Variants in MTUS2 observed in about 807,000 individuals in gnomAD.
MTUS2 encodes the protein microtubule-associated tumor suppressor candidate 2.
A neutral mutation model predicts 114.1 loss-of-function variants in MTUS2; 40 were observed. The ratio of observed to expected loss-of-function variants is 0.35; its 90% CI spans 0.27 to 0.46. MTUS2 has a LOEUF of 0.46. Among genes scored for constraint, MTUS2 ranks in the 20% least tolerant of loss-of-function variants. The pLI is 1.00. For synonymous variants in MTUS2, 688 were observed against 672.0 expected (o/e 1.02, Z -0.37); for missense variants, 1,679 against 1,705.4 (o/e 0.98, Z 0.27).
chr13:29,158,358 C>CCCCCCCCTCTTTTT, intron 5 of MTUS2, among the ~76,000 whole-genome samples: 2 of 32,048 alleles, frequency 6.2e-5, no homozygotes, highest in Non-Finnish European at 1.0e-4. Context: ...GTCCACCCCG[C>CCCCCCCCTCTTTTT]TTTTTTTTTT....
intron 2 of MTUS2, among the ~76,000 whole-genome samples, chr13:28,961,056 T>C (rs1883303904): frequency 6.6e-6 from 1 of 152,066 alleles, no homozygotes; most frequent in African/African-American, 2.4e-5. Context: ...ATCAGTGAGT[T>C]GGAACATAGG....
intron 5 of MTUS2, among the ~76,000 whole-genome samples, chr13:29,256,365 G>C (rs1031305288): frequency 2.6e-5 from 4 of 152,184 alleles, no homozygotes; most frequent in Non-Finnish European, 5.9e-5. Context: ...CAGTGGTCAG[G>C]ACTGAGACAC....
At chr13:29,391,077 C>A (rs1873421434) in intron 8 of MTUS2, among the ~76,000 whole-genome samples, 1 of 150,654 alleles carries the variant, frequency 6.6e-6, no homozygotes, top group Admixed American at 6.6e-5. Flanking sequence ...GTGTGCCCAT[C>A]CCAGATTATT....
chr13:29,118,328 C>T (rs1047548178), intron 5 of MTUS2, among the ~76,000 whole-genome samples: 2 of 151,928 alleles, frequency 1.3e-5, no homozygotes, highest in African/African-American at 4.8e-5. Context: ...ATTCTTATTA[C>T]TCTTCCAGGG....
At chr13:29,253,868 T>C (rs1897209805) in intron 5 of MTUS2, among the ~76,000 whole-genome samples, 1 of 152,062 alleles carries the variant, frequency 6.6e-6, no homozygotes, top group Middle Eastern at 3.2e-3. Flanking sequence ...GCTCCTCTTT[T>C]TAAAACCATC....
At chr13:28,899,441 A>G (rs1378566070) in intron 2 of MTUS2, among the ~76,000 whole-genome samples, 1 of 152,074 alleles carries the variant, frequency 6.6e-6, no homozygotes, top group Non-Finnish European at 1.5e-5. Flanking sequence ...ACATAGTCTC[A>G]CTCTGTCGCC....
At chr13:29,051,905 T>C (rs962949251) in intron 4 of MTUS2, among the ~76,000 whole-genome samples, 1 of 152,196 alleles carries the variant, frequency 6.6e-6, no homozygotes, top group Non-Finnish European at 1.5e-5. Flanking sequence ...TTGGAGCTCT[T>C]TCATTATTCA....
chr13:28,838,573 T>A (rs903956193), intron 1 of MTUS2, among the ~76,000 whole-genome samples: 4 of 152,176 alleles, frequency 2.6e-5, no homozygotes, highest in Non-Finnish European at 4.4e-5. Flanking sequence ...TCCCTCTGCA[T>A]CTTATTCCTG....
At chr13:29,199,440 G>A (rs1193209721) in intron 5 of MTUS2, among the ~76,000 whole-genome samples, 2 of 152,172 alleles carry the variant, frequency 1.3e-5, no homozygotes, top group African/African-American at 4.8e-5. Context: ...TGCATTTATT[G>A]AGATAATCAT....
At chr13:28,841,653 G>A (rs1482286191) in intron 2 of MTUS2, among the ~76,000 whole-genome samples, 2 of 150,400 alleles carry the variant, frequency 1.3e-5, no homozygotes, top group Admixed American at 6.6e-5. Context: ...GTGATGCAAA[G>A]TTAGTTCTTT....
intron 7 of MTUS2, among the ~76,000 whole-genome samples, chr13:29,335,729 C>A (rs9579345): frequency 0.26 from 40,077 of 152,048 alleles, 5,976 homozygotes; most frequent in African/African-American, 0.41. Flanking sequence ...TTCCCCCAAT[C>A]GGCCTGTCTT....
chr13:29,041,695 G>A (rs967606118), intron 4 of MTUS2, among the ~76,000 whole-genome samples: 2 of 151,900 alleles, frequency 1.3e-5, no homozygotes, highest in East Asian at 1.9e-4. Context: ...TGAATGTTCT[G>A]TTGTGTTTAT....
rs575023400 is a variant in MTUS2 at position 29,178,669 on chromosome 13, G to A, written c.2644+77699G>A. Among the ~76,000 whole-genome samples the A allele has an allele frequency of 1.8e-4, 27 of 151,318 alleles. 1 individual carries two copies. The South Asian group carries it at 5.6e-3, about 32-fold the overall frequency. The stretch of plus-strand genomic sequence containing the variant: ...TCCCAGTTGAGAATCATGGCCAAAA[G>A]GACAGAATTATTAAAAAAAAAAAAA... On this transcript the variant is annotated intron_variant, in intron 5 of 15. Transcript: ENST00000612955.
At position 29,232,657 on chromosome 13, in the gene MTUS2, A is replaced by T. The variant is rs184439092; in HGVS notation, c.2645-49047A>T. ...TTACCTGAATTAACTGGGTAGTTCT[A>T]TCTACCTTTTGCTCATTTTTAGCTT... is the stretch of plus-strand genomic sequence containing the variant. On this transcript the variant is annotated intron_variant, in intron 5 of 15. Coordinates refer to ENST00000612955, the MANE Select transcript of MTUS2 (RefSeq NM_001033602.4). 2.6e-5 allele frequency among the ~76,000 whole-genome samples: 4 copies of T among 152,326 alleles called. No individual in the cohort carries two copies. The East Asian group carries it at 7.7e-4, about 29-fold the overall frequency.
chr13:29,325,501 GAGGAGGAGA>G (rs1246269733), intron 7 of MTUS2, among the ~76,000 whole-genome samples: 3 of 137,156 alleles, frequency 2.2e-5, no homozygotes, highest in African/African-American at 3.2e-5. Flanking sequence ...GGAGGAGGAG[GAGGAGGAGA>G]AGGAGGAGGA....
intron 5 of MTUS2, among the ~76,000 whole-genome samples, chr13:29,162,075 C>G (rs1340207132): frequency 6.6e-6 from 1 of 152,162 alleles, no homozygotes; most frequent in African/African-American, 2.4e-5. Flanking sequence ...TAGCATCCCT[C>G]CAATCACTGC....
At chr13:29,270,643 G>A (rs568373900) in intron 5 of MTUS2, among the ~76,000 whole-genome samples, 5 of 152,348 alleles carry the variant, frequency 3.3e-5, no homozygotes, top group Admixed American at 6.5e-5. Flanking sequence ...GGACAGGCAC[G>A]TGGGGCTGGT....
intron 4 of MTUS2, among the ~76,000 whole-genome samples, chr13:29,069,331 C>T (rs886437508): frequency 1.3e-5 from 2 of 152,120 alleles, no homozygotes; most frequent in Admixed American, 6.5e-5. Context: ...AGCCTGAGAA[C>T]CAGGAACATC....
intron 4 of MTUS2, among the ~76,000 whole-genome samples, chr13:29,086,628 A>C (rs1408969315): frequency 6.6e-6 from 1 of 152,106 alleles, no homozygotes; most frequent in Non-Finnish European, 1.5e-5. Flanking sequence ...TTCCATATGA[A>C]TTTGAGAATA....
Sources: gnomAD v4.1 joint callset for allele counts (sites outside exome capture counted in the v4.1 genomes callset) on GRCh38, gnomAD v4.1.1 for gene constraint, MANE v1.5 for transcripts, NCBI Gene and HGNC (gene_info 2026-07-23, HGNC 2026-07-21) for gene names.